RIMBP2: variants seen among roughly 807,000 people sequenced by gnomAD.
The protein encoded by RIMBP2 is RIMS-binding protein 2.
RIMBP2 carries 48 observed loss-of-function variants against 118.6 expected under a neutral mutation model. That is an observed-to-expected ratio of 0.40 (90% CI 0.32 to 0.51). RIMBP2 has a LOEUF of 0.51. RIMBP2 is among the 20% of genes least tolerant of loss of function. The pLI, the probability that RIMBP2 is intolerant of heterozygous loss-of-function variation, is 0.41. For missense variants in RIMBP2, 1,551 were observed against 1,768.3 expected, an observed-to-expected ratio of 0.88 and a Z score of 2.20; for synonymous variants, 762 against 742.9, an observed-to-expected ratio of 1.03 and a Z score of -0.42.
Position 130,428,256 on chromosome 12 carries a change from C to A in RIMBP2, c.2335G>T (p.Glu779Ter). The change falls in exon 15 of 23, where the codon GAG becomes TAG. Residue 779 changes from glutamate (E) to a stop codon, truncating the protein, a stop_gained. Coordinates refer to ENST00000690449, the MANE Select transcript of RIMBP2 (RefSeq NM_001393629.1). LOFTEE classifies it high-confidence loss of function. Reference sequence around the variant, plus strand: ...AGCTGCATTTCAGAATACAGCTCCTCCTCGTCCTCCTCCATGATGTCTGAG... The same window carrying A: ...AGCTGCATTTCAGAATACAGCTCCTACTCGTCCTCCTCCATGATGTCTGAG... Reference protein sequence around the residue: ...DLSDIMEEDEEELYSEMQLED... With the variant: ...DLSDIMEEDE 6.2e-7 allele frequency: 1 copy of A among 1,613,796 alleles called. No individual in the cohort carries two copies. Among genetic ancestry groups the A allele is most frequent in the Admixed American group, 1.7e-5 (1 of 59,958 alleles).
chr12:130,520,872 C>T (rs1017857428), intron 2 of RIMBP2, among the ~76,000 whole-genome samples: 7 of 152,296 alleles, frequency 4.6e-5, no homozygotes, highest in African/African-American at 7.2e-5. Context: ...CAGCTTGAGC[C>T]TTCTCATACT....
chr12:130,507,590 T>G (rs1448520306), intron 3 of RIMBP2, among the ~76,000 whole-genome samples: 1 of 152,196 alleles, frequency 6.6e-6, no homozygotes, highest in Non-Finnish European at 1.5e-5. Flanking sequence ...AATTCCATTC[T>G]CAGGCCACAA....
chr12:130,648,760 G>A (rs933417744), intron 1 of RIMBP2, among the ~76,000 whole-genome samples: 6 of 143,698 alleles, frequency 4.2e-5, no homozygotes, highest in Non-Finnish European at 6.3e-5. Flanking sequence ...GGGTTCAAGC[G>A]ATTCTCGCTC....
At chr12:130,583,077 C>T (rs1196948684) in intron 2 of RIMBP2, among the ~76,000 whole-genome samples, 4 of 152,154 alleles carry the variant, frequency 2.6e-5, no homozygotes, top group Non-Finnish European at 5.9e-5. Context: ...AAATAACCAA[C>T]ATGTTAAATA....
At chr12:130,421,691 ATGTGTGTGTGTG>A (rs35161782) in intron 17 of RIMBP2, among the ~76,000 whole-genome samples, 332 of 147,296 alleles carry the variant, frequency 2.3e-3, no homozygotes, top group African/African-American at 7.8e-3. Context: ...CTGCATTTAT[ATGTGTGTGTGTG>A]TGTGTGTGTG....
intron 6 of RIMBP2, among the ~76,000 whole-genome samples, chr12:130,467,337 A>C (rs1449591387): frequency 6.6e-6 from 1 of 152,224 alleles, no homozygotes; most frequent in Non-Finnish European, 1.5e-5. Flanking sequence ...TGTAAAACCT[A>C]AGATCAGTTA....
chr12:130,492,904 T>C (rs890966174), intron 4 of RIMBP2, among the ~76,000 whole-genome samples: 1 of 151,878 alleles, frequency 6.6e-6, no homozygotes, highest in Non-Finnish European at 1.5e-5. Flanking sequence ...CCGAGGCGGG[T>C]GGATTGCTTG....
chr12:130,604,023 C>A (rs532730745), intron 2 of RIMBP2, among the ~76,000 whole-genome samples: 1 of 152,178 alleles, frequency 6.6e-6, no homozygotes, highest in African/African-American at 2.4e-5. Context: ...CCGCTCCACG[C>A]GTGCTTTGCC....
intron 1 of RIMBP2, among the ~76,000 whole-genome samples, chr12:130,685,479 G>C (rs1305840196): frequency 1.3e-5 from 2 of 152,148 alleles, no homozygotes; most frequent in African/African-American, 2.4e-5. Context: ...GGCAGGCGCC[G>C]TTGCCCTATG....
intron 1 of RIMBP2, among the ~76,000 whole-genome samples, chr12:130,676,846 G>A (rs972164998): frequency 6.6e-6 from 1 of 152,128 alleles, no homozygotes; most frequent in African/African-American, 2.4e-5. Context: ...CAAGTGAGGG[G>A]CTGCTGGGGT....
chr12:130,559,092 C>T (rs564492642), intron 2 of RIMBP2, among the ~76,000 whole-genome samples: 1 of 151,826 alleles, frequency 6.6e-6, no homozygotes, highest in East Asian at 1.9e-4. Context: ...ATGTGATGTT[C>T]TGATATATGT....
rs1253481390 is a variant in RIMBP2 at position 130,503,913 on chromosome 12, G to T, written c.-4+2735C>A. 2.0e-5 allele frequency among the ~76,000 whole-genome samples: 3 copies of T among 152,140 alleles called. No individual in the cohort carries two copies. In the East Asian group the frequency reaches 5.8e-4, roughly 29 times the overall value. On this transcript the variant is annotated intron_variant, in intron 4 of 22. Transcript: ENST00000690449. ...TATATTTAATGATTTTGGTAATTAG[G>T]CCATATGCTTGGAAAGAAGCATAAT...
At chr12:130,677,008 C>G (rs547408621) in intron 1 of RIMBP2, among the ~76,000 whole-genome samples, 1 of 152,160 alleles carries the variant, frequency 6.6e-6, no homozygotes, top group Non-Finnish European at 1.5e-5. Flanking sequence ...CCTGTGTAAA[C>G]CCTACCTCCA....
chr12:130,585,624 A>G (rs987143767), intron 2 of RIMBP2, among the ~76,000 whole-genome samples: 2 of 152,028 alleles, frequency 1.3e-5, no homozygotes, highest in Non-Finnish European at 2.9e-5. Flanking sequence ...CAAAAAAAAA[A>G]AAAAAAAGAG....
rs1014825232 is a variant in RIMBP2 at position 130,710,053 on chromosome 12, G to C, written c.-352+6169C>G. On this transcript the variant is annotated intron_variant, in intron 1 of 22. Coordinates refer to ENST00000690449, the MANE Select transcript of RIMBP2 (RefSeq NM_001393629.1). This position sits in a 1 kb window ranked among gnomAD's most constrained non-coding sequence, Gnocchi z 4.3. The stretch of plus-strand genomic sequence containing the variant: ...CCCTGGTTTCCGGGTATCCCTGGGA[G>C]CTCACGGGTGGACACCGAGGGTCTC... 2.6e-5 allele frequency among the ~76,000 whole-genome samples: 4 copies of C among 152,170 alleles called. No individual in the cohort carries two copies. The highest frequency in any genetic ancestry group is 5.9e-5 in the Non-Finnish European group (4 of 68,028).
At chr12:130,573,979 G>A (rs752185510) in intron 2 of RIMBP2, among the ~76,000 whole-genome samples, 5 of 151,782 alleles carry the variant, frequency 3.3e-5, no homozygotes, top group Non-Finnish European at 7.4e-5. Flanking sequence ...TGACGGGAAG[G>A]AAAATGGCAA....
intron 19 of RIMBP2, 152 bp downstream of exon 19, chr12:130,412,467 G>A (rs2075792712): frequency 2.8e-6 from 2 of 721,060 alleles, no homozygotes; most frequent in Non-Finnish European, 4.5e-6. Flanking sequence ...GGTGGCTTTT[G>A]CCCAAGAAAA....
intron 1 of RIMBP2, among the ~76,000 whole-genome samples, chr12:130,704,885 C>A (rs1018908091): frequency 1.3e-5 from 2 of 152,154 alleles, no homozygotes; most frequent in East Asian, 3.9e-4. Flanking sequence ...CCTGTCTGTG[C>A]GTCCAAGTCC....
At chr12:130,470,629 G>T in intron 6 of RIMBP2, 64 bp downstream of exon 6, 2 of 879,632 alleles carry the variant, frequency 2.3e-6, no homozygotes, top group Non-Finnish European at 3.0e-6. Flanking sequence ...TTTCTAGCAG[G>T]CATCAGGGCA....
Sources: allele counts gnomAD v4.1 joint callset (sites outside exome capture counted in the v4.1 genomes callset), GRCh38; gene constraint gnomAD v4.1.1; non-coding constraint Gnocchi (gnomAD v3.1); transcripts MANE v1.5; gene names NCBI Gene and HGNC (gene_info 2026-07-23, HGNC 2026-07-21).